The following PRRT3 variants were observed in gnomAD, a reference collection of about 807,000 sequenced individuals.
The protein encoded by PRRT3 is proline rich transmembrane protein 3, also known as proline-rich transmembrane protein 3.
PRRT3 carries 48 observed loss-of-function variants against 56.6 expected under a neutral mutation model. The observed-to-expected ratio is 0.85, with a 90% CI of 0.67 to 1.08. The LOEUF is 1.08. Ranked by LOEUF, PRRT3 falls within the 50% of genes least tolerant of loss-of-function variation. PRRT3 has a pLI of 0.00. For synonymous variants in PRRT3, 641 were observed against 619.1 expected, an observed-to-expected ratio of 1.04 and a Z score of -0.52; for missense variants, 1,370 against 1,353.1, an observed-to-expected ratio of 1.01 and a Z score of -0.20.
rs1383093330 is a variant in PRRT3, at chr3:9,947,508, C to T, written c.1665G>A (p.Leu555=). 4 of 1,611,884 alleles carry T rather than the reference C, an allele frequency of 2.5e-6. No individual in the cohort carries two copies. In the African/African-American group the frequency reaches 5.3e-5, roughly 22 times the overall value. Residue 555 remains leucine, a synonymous_variant, in exon 4 of 4, where the codon CTG becomes CTA. Transcript: ENST00000412055. This position sits in a 1 kb window ranked among gnomAD's most constrained non-coding sequence, Gnocchi z 9.2. ...FPLLLTALAA[L]TLLGLGAGLP... ...GCCCCGCGCCCAGGCCGAGCAGAGT[C>T]AGGGCTGCCAGCGCCGTAAGCAGCA...
rs1354386686 is a variant in PRRT3 at position 9,947,061 on chromosome 3, C to G, written c.2112G>C (p.Arg704Ser). 7.8e-6 allele frequency: 12 copies of G among 1,534,244 alleles called. No individual in the cohort carries two copies. The highest frequency in any genetic ancestry group is 1.0e-5 in the Non-Finnish European group (12 of 1,144,952). Residue 704 changes from arginine to serine, a missense_variant, in exon 4 of 4, where the codon AGG becomes AGC. Physicochemically the swap from Arg to Ser is moderately radical, Grantham distance 110. Coordinates refer to ENST00000412055, the MANE Select transcript of PRRT3 (RefSeq NM_207351.5). The surrounding 1 kb of genome is among the most constrained non-coding windows in gnomAD (Gnocchi z 9.2). ...ALAAVAAARP[R>S]PPTEHACWAK... ...CCCAGCAAGCGTGCTCCGTGGGCGG[C>G]CTGGGTCTCGCGGCAGCCACCGCGG...
chr3:9,951,602 G>A (rs1352209110), intron 1 of PRRT3, among the ~76,000 whole-genome samples: 1 of 152,228 alleles, frequency 6.6e-6, no homozygotes, highest in East Asian at 1.9e-4. Flanking sequence ...GGGGCCCAGA[G>A]ACAGGGCTTT....
In PRRT3 at chr3:9,947,191, AGCCAGAGCGCAGCC is replaced by A; in HGVS notation, c.1968_1981del (p.Ala657ValfsTer53). 1 of 1,528,198 alleles carries A rather than the reference AGCCAGAGCGCAGCC, an allele frequency of 6.5e-7. No individual in the cohort carries two copies. The highest frequency in any genetic ancestry group is 2.0e-5 in the Admixed American group (1 of 50,352). 94.7% of individuals were successfully genotyped at this position (1,528,198 alleles called of 1,614,324 possible). A position where few individuals can be genotyped will look rare whatever the true frequency, so the allele number is the denominator to read the frequency against. Reference sequence around the variant, plus strand: ...GCCCACGCGGCCTGGGCCCGGGTACAGCCAGAGCGCAGCCGCCAGCTGCAAGCCGCTAGCCAGCA... The same window carrying A: ...GCCCACGCGGCCTGGGCCCGGGTACAGCCAGCTGCAAGCCGCTAGCCAGCA... On this transcript the variant is annotated frameshift_variant, in exon 4 of 4. Transcript: ENST00000412055. LOFTEE classifies it high-confidence loss of function. This position sits in a 1 kb window ranked among gnomAD's most constrained non-coding sequence, Gnocchi z 9.2.
At position 9,948,847 on chromosome 3, in the gene PRRT3, G is replaced by C. The variant is rs201972402; in HGVS notation, c.1082C>G (p.Pro361Arg). ...PQRVRGAVEAPGTPKSLIPGP... is the reference protein window; with the variant it reads ...PQRVRGAVEARGTPKSLIPGP... ...AGGGATGAGAGACTTGGGGGTGCCT[G>C]GGGCCTCCACAGCTCCTCTCACCCG... is the stretch of plus-strand genomic sequence containing the variant. The change falls in exon 3 of 4, where the codon CCA (proline) becomes CGA (arginine). Residue 361 changes from proline to arginine, a missense_variant. Coordinates refer to ENST00000412055, the MANE Select transcript of PRRT3 (RefSeq NM_207351.5). 6.2e-7 allele frequency: 1 copy of C among 1,612,076 alleles called. No individual in the cohort carries two copies. The highest frequency in any genetic ancestry group is 8.5e-7 in the Non-Finnish European group (1 of 1,179,004).
In PRRT3 at chr3:9,947,606, T is replaced by C; in HGVS notation, c.1567A>G (p.Thr523Ala). 6.2e-7 allele frequency: 1 copy of C among 1,600,768 alleles called. No homozygotes were observed. The highest frequency in any genetic ancestry group is 2.3e-5 in the East Asian group (1 of 44,416). ...CGCGCCTGCGAGCCGTAAGGGTCGG[T>C]AAGCATGTAGGCGGATCGCAGCGCC... Reference protein sequence around the residue: ...ASALRSAYMLTDPYGSQARLG... With the variant: ...ASALRSAYMLADPYGSQARLG... The change falls in exon 4 of 4, where the codon ACC (threonine) becomes GCC (alanine). Residue 523 changes from threonine (T) to alanine (A), a missense_variant. Physicochemically the swap from Thr to Ala is moderately conservative, Grantham distance 58 (BLOSUM62 0). Coordinates refer to ENST00000412055, the MANE Select transcript of PRRT3 (RefSeq NM_207351.5). This position sits in a 1 kb window ranked among gnomAD's most constrained non-coding sequence, Gnocchi z 9.2.
intron 1 of PRRT3, 25 bp from the exon 2 acceptor site, chr3:9,950,197 T>C: frequency 1.6e-6 from 2 of 1,243,486 alleles, no homozygotes; most frequent in Non-Finnish European, 2.1e-6. Context: ...GGGCATGGAA[T>C]GACATGTGAG....
In PRRT3 at chr3:9,946,801, T is replaced by C. The variant is rs773463266; in HGVS notation, c.2372A>G (p.Asn791Ser). ...GPQGGPGLSR[N>S]GVGPAPSLSE... Reference sequence around the variant, plus strand: ...CAGCGATGGCGCCGGTCCCACACCGTTGCGGGACAGTCCCGGGCCACCCTG... The same window carrying C: ...CAGCGATGGCGCCGGTCCCACACCGCTGCGGGACAGTCCCGGGCCACCCTG... The change falls in exon 4 of 4, where the codon AAC (asparagine) becomes AGC (serine). Residue 791 changes from asparagine to serine, a missense_variant. Transcript: ENST00000412055. This position sits in a 1 kb window ranked among gnomAD's most constrained non-coding sequence, Gnocchi z 4.1. The C allele has an allele frequency of 2.6e-6, 4 of 1,552,204 alleles. No individual in the cohort carries two copies. Among genetic ancestry groups the C allele is most frequent in the Non-Finnish European group, 3.5e-6 (4 of 1,156,758 alleles).
Position 9,947,484 on chromosome 3 carries a change from C to T in PRRT3, c.1689G>A (p.Gly563=), listed in dbSNP as rs750357626. ...AALTLLGLGA[G]LPPPLQNPLL... is the part of the protein sequence containing the mutation. ...GTGGGTTTTGCAGCGGTGGCGGCAG[C>T]CCCGCGCCCAGGCCGAGCAGAGTCA... The change falls in exon 4 of 4, where the codon GGG becomes GGA. Residue 563 remains glycine, a synonymous_variant. Coordinates refer to ENST00000412055, the MANE Select transcript of PRRT3 (RefSeq NM_207351.5). The surrounding 1 kb of genome is among the most constrained non-coding windows in gnomAD (Gnocchi z 9.2). 3 of 1,612,280 alleles carry T rather than the reference C, an allele frequency of 1.9e-6. No individual in the cohort carries two copies. In the South Asian group the frequency reaches 3.3e-5, roughly 18 times the overall value.
chr3:9,946,569 G>C lies in PRRT3; in HGVS notation c.2604C>G (p.Leu868=). 1 of 1,411,130 alleles carries C rather than the reference G, an allele frequency of 7.1e-7. No individual in the cohort carries two copies. 87.4% of individuals were successfully genotyped at this position (1,411,130 alleles called of 1,614,324 possible). A position where few individuals can be genotyped will look rare whatever the true frequency, so the allele number is the denominator to read the frequency against. ...AELDDAGSSL[L]RGRCRSLSDV... is the part of the protein sequence containing the mutation. ...CGCTGAGCGACCTGCAGCGGCCGCG[G>C]AGGAGCGAGGAGCCAGCGTCGTCGA... Residue 868 remains leucine, a synonymous_variant, in exon 4 of 4, where the codon CTC becomes CTG. Transcript: ENST00000412055. This position sits in a 1 kb window ranked among gnomAD's most constrained non-coding sequence, Gnocchi z 4.1.
chr3:9,951,023 C>T (rs985656576), intron 1 of PRRT3, among the ~76,000 whole-genome samples: 21 of 152,182 alleles, frequency 1.4e-4, no homozygotes, highest in African/African-American at 4.1e-4. Context: ...CAGGTATGGG[C>T]GAGGTTCATA....
In PRRT3 at chr3:9,946,497, G is replaced by A. The variant is rs767304544; in HGVS notation, c.2676C>T (p.Pro892=). Residue 892 remains proline, a synonymous_variant, in exon 4 of 4, where the codon CCC becomes CCT. Transcript: ENST00000412055. This position sits in a 1 kb window ranked among gnomAD's most constrained non-coding sequence, Gnocchi z 4.1. ...CAGAAGCCGCAGCGGCTGCCCCGTC[G>A]GGTGCTTCCACTACGTGCTGTGGGA... ...GPVPQHVVEA[P]DGAAAAASGS... is the part of the protein sequence containing the mutation. 4 of 1,540,176 alleles carry A rather than the reference G, an allele frequency of 2.6e-6. No homozygotes were observed. Among genetic ancestry groups the A allele is most frequent in the East Asian group, 2.5e-5 (1 of 40,124 alleles).
In PRRT3 at chr3:9,947,626, A is replaced by G; in HGVS notation, c.1547T>C (p.Leu516Pro). The G allele has an allele frequency of 6.3e-7, 1 of 1,581,686 alleles. No individual in the cohort carries two copies. Among genetic ancestry groups the G allele is most frequent in the Non-Finnish European group, 8.6e-7 (1 of 1,163,608 alleles). ...AAVLVLVASALRSAYMLTDPY... is the reference protein window; with the variant it reads ...AAVLVLVASAPRSAYMLTDPY... ...GTCGGTAAGCATGTAGGCGGATCGC[A>G]GCGCCGAAGCCACGAGCACCAGCAC... The change falls in exon 4 of 4, where the codon CTG becomes CCG. Residue 516 changes from leucine to proline, a missense_variant. Physicochemically the swap from Leu to Pro is moderately conservative, Grantham distance 98. Transcript: ENST00000412055. This position sits in a 1 kb window ranked among gnomAD's most constrained non-coding sequence, Gnocchi z 9.2.
rs771451966 is a variant in PRRT3, at chr3:9,947,524, G to A, written c.1649C>T (p.Thr550Met). ...LYNLPFPLLL[T>M]ALAALTLLGL... ...GAGCAGAGTCAGGGCTGCCAGCGCC[G>A]TAAGCAGCAAGGGGAAGGGCAGGTT... Residue 550 changes from threonine to methionine, a missense_variant, in exon 4 of 4, where the codon ACG becomes ATG. Coordinates refer to ENST00000412055, the MANE Select transcript of PRRT3 (RefSeq NM_207351.5). This position sits in a 1 kb window ranked among gnomAD's most constrained non-coding sequence, Gnocchi z 9.2. The A allele has an allele frequency of 2.5e-6, 4 of 1,611,554 alleles. No individual in the cohort carries two copies. The highest frequency in any genetic ancestry group is 2.2e-5 in the East Asian group (1 of 44,864).
chr3:9,947,479 G>A lies in PRRT3; in HGVS notation c.1694C>T (p.Pro565Leu), dbSNP rs778700714. The A allele has an allele frequency of 7.4e-6, 12 of 1,612,218 alleles. No individual in the cohort carries two copies. In the African/African-American group the frequency reaches 8.0e-5, roughly 11 times the overall value. The change falls in exon 4 of 4, where the codon CCG (proline) becomes CTG (leucine). Residue 565 changes from proline to leucine, a missense_variant. Transcript: ENST00000412055. This position sits in a 1 kb window ranked among gnomAD's most constrained non-coding sequence, Gnocchi z 9.2. ...LTLLGLGAGL[P>L]PPLQNPLLLG... ...CAGGAGTGGGTTTTGCAGCGGTGGC[G>A]GCAGCCCCGCGCCCAGGCCGAGCAG...
In PRRT3 at chr3:9,948,769, G is replaced by A. The variant is rs2085570455; in HGVS notation, c.1160C>T (p.Ala387Val). The stretch of plus-strand genomic sequence containing the variant: ...AGCCATGCTCTCACCTGGCTGCAGG[G>A]CCCCCATGGGGCTCTCTGTTCGGTT... The part of the protein sequence containing the change: ...AVNRTESPMG[A>V]LQPDEAEEWP... The change falls in exon 3 of 4, where the codon GCC becomes GTC. Residue 387 changes from alanine (A) to valine (V), a missense_variant. Physicochemically the swap from Ala to Val is moderately conservative, Grantham distance 64 (BLOSUM62 0). Coordinates refer to ENST00000412055, the MANE Select transcript of PRRT3 (RefSeq NM_207351.5). 3 of 1,613,808 alleles carry A rather than the reference G, an allele frequency of 1.9e-6. No individual in the cohort carries two copies. The highest frequency in any genetic ancestry group is 1.1e-5 in the South Asian group (1 of 91,084).
At chr3:9,951,215 G>A (rs2085615788) in intron 1 of PRRT3, among the ~76,000 whole-genome samples, 1 of 152,170 alleles carries the variant, frequency 6.6e-6, no homozygotes, top group African/African-American at 2.4e-5. Context: ...TCGAGAGCCT[G>A]TCAGTGGGCC....
chr3:9,946,676 G>T lies in PRRT3; in HGVS notation c.2497C>A (p.Arg833Ser). The change falls in exon 4 of 4, where the codon CGC (arginine) becomes AGC (serine). Residue 833 changes from arginine (R) to serine (S), a missense_variant. Coordinates refer to ENST00000412055, the MANE Select transcript of PRRT3 (RefSeq NM_207351.5). This position sits in a 1 kb window ranked among gnomAD's most constrained non-coding sequence, Gnocchi z 4.1. ...GAGGCCAGGCCGCGGAGGCCGCAGC[G>T]CTGGAACACACTGTCTCGCACTAGG... The part of the protein sequence containing the change: ...EHLVRDSVFQ[R>S]CGLRGLASPP... 7.0e-7 allele frequency: 1 copy of T among 1,423,814 alleles called. No homozygotes were observed. Among genetic ancestry groups the T allele is most frequent in the Non-Finnish European group, 9.1e-7 (1 of 1,098,990 alleles). 88.2% of individuals were successfully genotyped at this position (1,423,814 alleles called of 1,614,324 possible).
chr3:9,946,131 T>C lies in PRRT3; in HGVS notation c.*96A>G. 1.4e-6 allele frequency: 2 copies of C among 1,469,812 alleles called. No homozygotes were observed. Among genetic ancestry groups the C allele is most frequent in the East Asian group, 5.2e-5 (2 of 38,512 alleles). 91.0% of individuals were successfully genotyped at this position (1,469,812 alleles called of 1,614,324 possible). A position where few individuals can be genotyped will look rare whatever the true frequency, so the allele number is the denominator to read the frequency against. On this transcript the variant is annotated 3_prime_UTR_variant, in exon 4 of 4. Transcript: ENST00000412055. The surrounding 1 kb of genome is among the most constrained non-coding windows in gnomAD (Gnocchi z 4.1). ...GATTCCTGGCGTGAGCCACCGCGCC[T>C]GGCCAGGATGCCCATTTTTTAAAGG... is the stretch of plus-strand genomic sequence containing the variant.
In PRRT3 at chr3:9,949,916, G is replaced by A; in HGVS notation, c.200C>T (p.Ala67Val). ...GACATCAGAGTTCCTGTGACTGTCAGCTCTGGGGTTCTCCGGGAACACGTC... is the reference window on the plus strand; with the variant it reads ...GACATCAGAGTTCCTGTGACTGTCAACTCTGGGGTTCTCCGGGAACACGTC... ...AFDVFPENPR[A>V]DSHRNSDVRH... Residue 67 changes from alanine to valine, a missense_variant, in exon 2 of 4, where the codon GCT (alanine) becomes GTT (valine). Coordinates refer to ENST00000412055, the MANE Select transcript of PRRT3 (RefSeq NM_207351.5). The surrounding 1 kb of genome is among the most constrained non-coding windows in gnomAD (Gnocchi z 4.5). The A allele has an allele frequency of 1.2e-5, 19 of 1,611,250 alleles. No individual in the cohort carries two copies. Among genetic ancestry groups the A allele is most frequent in the Non-Finnish European group, 1.6e-5 (19 of 1,178,486 alleles).
Sources: allele counts gnomAD v4.1 joint callset (sites outside exome capture counted in the v4.1 genomes callset), GRCh38; gene constraint gnomAD v4.1.1; non-coding constraint Gnocchi (gnomAD v3.1); transcripts MANE v1.5; gene names NCBI Gene and HGNC (gene_info 2026-07-23, HGNC 2026-07-21).